The following PALS2 variants were observed in gnomAD, a reference collection of about 807,000 sequenced individuals.
PALS2 encodes the protein protein associated with LIN7 2, MAGUK p55 family member, also known as protein PALS2.
In PALS2, 27 loss-of-function variants were observed where a neutral mutation model predicts 61.6. The ratio of observed to expected loss-of-function variants is 0.44; its 90% confidence interval spans 0.32 to 0.60. The LOEUF is 0.60. Ranked by LOEUF, PALS2 falls within the 20% of genes least tolerant of loss-of-function variation. The pLI, the probability that PALS2 is intolerant of heterozygous loss-of-function variation, is 0.05. For missense variants in PALS2, 554 were observed against 639.4 expected (o/e 0.87, Z 1.44); for synonymous variants, 236 against 218.6 (o/e 1.08, Z -0.70).
Position 24,691,276 on chromosome 7 carries a change from C to T in PALS2, c.*3662C>T, listed in dbSNP as rs1788452354. ...TATCCAGAAATCACAGGCTAGAGAGCCAATAATTTTGTAGTAATGAACCTT... is the reference window on the plus strand; with the variant it reads ...TATCCAGAAATCACAGGCTAGAGAGTCAATAATTTTGTAGTAATGAACCTT... On this transcript the variant is annotated 3_prime_UTR_variant, in exon 12 of 12. Coordinates refer to ENST00000222644, the MANE Select transcript of PALS2 (RefSeq NM_001303037.2). 1 of 151,202 alleles carries T rather than the reference C, an allele frequency of 6.6e-6. No homozygotes were observed. The highest frequency in any genetic ancestry group is 2.1e-4 in the South Asian group (1 of 4,786). The allele number at this position is 151,202 out of a possible 1,614,324, so 9.4% of individuals were successfully genotyped here. A position where few individuals can be genotyped will look rare whatever the true frequency, so the allele number is the denominator to read the frequency against.
chr7:24,637,521 T>C lies in PALS2; in HGVS notation c.118-4195T>C, dbSNP rs186505913. 1.8e-3 allele frequency among the ~76,000 whole-genome samples: 268 copies of C among 152,220 alleles called. 1 individual carries two copies. Among genetic ancestry groups the C allele is most frequent in the African/African-American group, 6.2e-3 (259 of 41,552 alleles). On this transcript the variant is annotated intron_variant, in intron 2 of 11. Coordinates refer to ENST00000222644, the MANE Select transcript of PALS2 (RefSeq NM_001303037.2). ...TGATCACAGCCAAACTTATTTCCCA[T>C]TTACTTAGCTTTTTCAAGAAATAAT...
chr7:24,598,148 C>T (rs1430552741), intron 1 of PALS2, among the ~76,000 whole-genome samples: 1 of 152,120 alleles, frequency 6.6e-6, no homozygotes, highest in East Asian at 1.9e-4. Flanking sequence ...ATGTGAACTA[C>T]ATCATTAATG....
chr7:24,644,892 G>T (rs987461306), intron 3 of PALS2, among the ~76,000 whole-genome samples: 1 of 152,024 alleles, frequency 6.6e-6, no homozygotes, highest in African/African-American at 2.4e-5. Flanking sequence ...TTTCTCTAAC[G>T]ATCAGTGATA....
In PALS2 at chr7:24,693,665, A is replaced by G. The variant is rs1347034632; in HGVS notation, c.*6051A>G. 6.6e-6 allele frequency: 1 copy of G among 152,162 alleles called. No homozygotes were observed. Among genetic ancestry groups the G allele is most frequent in the Non-Finnish European group, 1.5e-5 (1 of 68,014 alleles). The allele number at this position is 152,162 out of a possible 1,614,324, so 9.4% of individuals were successfully genotyped here. ...TACATCTGTATTTGAAATACAATAA[A>G]AATATTTCTTATGTCTCTGTATTCT... is the stretch of plus-strand genomic sequence containing the variant. On this transcript the variant is annotated 3_prime_UTR_variant, in exon 12 of 12. Transcript: ENST00000222644.
At chr7:24,610,001 T>C (rs1365102473) in intron 1 of PALS2, among the ~76,000 whole-genome samples, 1 of 152,098 alleles carries the variant, frequency 6.6e-6, no homozygotes, top group Non-Finnish European at 1.5e-5. Flanking sequence ...TTCAGTTTAG[T>C]TTTTTCCACT....
rs543407845 is a variant in PALS2, at chr7:24,577,568, C to T, written c.-3+3975C>T. On this transcript the variant is annotated intron_variant, in intron 1 of 11. Coordinates refer to ENST00000222644, the MANE Select transcript of PALS2 (RefSeq NM_001303037.2). Reference sequence around the variant, plus strand: ...CTCTTAAATCTATCATTTCTTTACCCTCTTCCTCCACTTTTTGCTATATTT... The same window carrying T: ...CTCTTAAATCTATCATTTCTTTACCTTCTTCCTCCACTTTTTGCTATATTT... 1.8e-4 allele frequency among the ~76,000 whole-genome samples: 28 copies of T among 152,236 alleles called. No homozygotes were observed. In the South Asian group the frequency reaches 5.8e-3, roughly 32 times the overall value.
intron 1 of PALS2, among the ~76,000 whole-genome samples, chr7:24,608,329 C>G (rs1428292799): frequency 7.2e-5 from 11 of 152,130 alleles, no homozygotes; most frequent in Non-Finnish European, 1.6e-4. Context: ...TTCATTCCAT[C>G]TGCTCTGCAC....
chr7:24,639,380 GTATAA>G (rs1338609442), intron 2 of PALS2, among the ~76,000 whole-genome samples: 1 of 148,600 alleles, frequency 6.7e-6, no homozygotes, highest in African/African-American at 2.5e-5. Flanking sequence ...CATAGTGTGA[GTATAA>G]TATACCTACC....
intron 9 of PALS2, among the ~76,000 whole-genome samples, chr7:24,672,803 G>T (rs1046181358): frequency 1.3e-4 from 20 of 151,932 alleles, no homozygotes; most frequent in African/African-American, 4.4e-4. Context: ...TTTTGTGTGG[G>T]TTCCTCAGGA....
chr7:24,627,303 T>A (rs999550273), intron 2 of PALS2, among the ~76,000 whole-genome samples: 1 of 152,148 alleles, frequency 6.6e-6, no homozygotes, highest in African/African-American at 2.4e-5. Context: ...AAATAAGTAC[T>A]TTGAAACCAA....
intron 9 of PALS2, among the ~76,000 whole-genome samples, chr7:24,677,172 T>C (rs1205287048): frequency 1.3e-5 from 2 of 152,112 alleles, no homozygotes; most frequent in Non-Finnish European, 2.9e-5. Context: ...TTTGGCTCTC[T>C]GTCTGTTGTT....
At chr7:24,632,814 TTG>T (rs968914685) in intron 2 of PALS2, among the ~76,000 whole-genome samples, 3 of 152,200 alleles carry the variant, frequency 2.0e-5, no homozygotes, top group African/African-American at 7.2e-5. Flanking sequence ...CCTTTTTTCC[TTG>T]TGTCTCTCAC....
At chr7:24,638,265 ATTTATAGCTACAG>A (rs909925460) in intron 2 of PALS2, among the ~76,000 whole-genome samples, 9 of 143,374 alleles carry the variant, frequency 6.3e-5, no homozygotes, top group Non-Finnish European at 9.5e-5. Context: ...ATGTTAATAT[ATTTATAGCTACAG>A]TTTCTAAAAA....
intron 2 of PALS2, among the ~76,000 whole-genome samples, chr7:24,641,463 T>A (rs1301551201): frequency 1.3e-5 from 2 of 152,218 alleles, no homozygotes; most frequent in East Asian, 3.9e-4. Context: ...CTTGTCCAGT[T>A]TTTTCATGGT....
intron 5 of PALS2, among the ~76,000 whole-genome samples, chr7:24,661,272 A>C (rs1054313862): frequency 5.9e-5 from 9 of 152,144 alleles, no homozygotes; most frequent in Non-Finnish European, 1.2e-4. Flanking sequence ...TCAAAGTAAA[A>C]TCAGGTTAAT....
In PALS2 at chr7:24,618,153, C is replaced by T. The variant is rs1331447060; in HGVS notation, c.-2-5513C>T. Among the ~76,000 whole-genome samples, 2 of 152,130 alleles carry T rather than the reference C, an allele frequency of 1.3e-5. No individual in the cohort carries two copies. The highest frequency in any genetic ancestry group is 1.3e-4 in the Admixed American group (2 of 15,280). On this transcript the variant is annotated intron_variant, in intron 1 of 11. Coordinates refer to ENST00000222644, the MANE Select transcript of PALS2 (RefSeq NM_001303037.2). The surrounding 1 kb of genome is among the most constrained non-coding windows in gnomAD (Gnocchi z 5.1). ...CTCAGGACATGGGTGTGCAACTACC[C>T]GGCCACCATGGGGACATGTCAGCTG...
intron 5 of PALS2, among the ~76,000 whole-genome samples, chr7:24,655,586 G>A (rs888153144): frequency 6.7e-6 from 1 of 148,244 alleles, no homozygotes; most frequent in Admixed American, 6.8e-5. Flanking sequence ...ATAAACTTAA[G>A]AATTATGATT....
intron 1 of PALS2, 53 bp from the exon 2 acceptor site, chr7:24,623,613 G>T: frequency 8.8e-7 from 1 of 1,133,178 alleles, no homozygotes; most frequent in Non-Finnish European, 1.2e-6. Flanking sequence ...AAATTTAAGG[G>T]TTTTTGTTTG....
chr7:24,593,425 T>C (rs750808025), intron 1 of PALS2, among the ~76,000 whole-genome samples: 5 of 152,154 alleles, frequency 3.3e-5, no homozygotes, highest in African/African-American at 9.7e-5. Flanking sequence ...GAATCACAAG[T>C]GTTCTTAATG....
Sources: gnomAD v4.1 joint callset for allele counts (sites outside exome capture counted in the v4.1 genomes callset) on GRCh38, gnomAD v4.1.1 for gene constraint, Gnocchi (gnomAD v3.1) non-coding constraint, MANE v1.5 for transcripts, NCBI Gene and HGNC (gene_info 2026-07-23, HGNC 2026-07-21) for gene names.